The following KIF26B variants were observed in gnomAD, a reference collection of about 807,000 sequenced individuals.
KIF26B encodes the protein kinesin-like protein KIF26B.
Under a neutral mutation model 151.2 loss-of-function variants are expected in KIF26B, and 63 were observed. The ratio of observed to expected loss-of-function variants is 0.42; its 90% CI spans 0.34 to 0.51. The LOEUF is 0.51. KIF26B is among the 20% of genes least tolerant of loss of function. KIF26B has a pLI of 0.07. For synonymous variants in KIF26B, 1,357 were observed against 1,262.1 expected, an observed-to-expected ratio of 1.08 and a Z score of -1.59; for missense variants, 2,813 against 2,913.6, an observed-to-expected ratio of 0.97 and a Z score of 0.79.
At chr1:245,620,174 A>G (rs968247800) in intron 9 of KIF26B, among the ~76,000 whole-genome samples, 2 of 152,164 alleles carry the variant, frequency 1.3e-5, no homozygotes, top group African/African-American at 4.8e-5. Flanking sequence ...CATTGATCTT[A>G]CGAACCACAA....
At chr1:245,277,150 T>C (rs1478039731) in intron 2 of KIF26B, among the ~76,000 whole-genome samples, 2 of 152,202 alleles carry the variant, frequency 1.3e-5, no homozygotes, top group African/African-American at 4.8e-5. Flanking sequence ...GAACTCACTT[T>C]GCTGACACCT....
intron 8 of KIF26B, among the ~76,000 whole-genome samples, chr1:245,611,503 C>A (rs1484148607): frequency 6.6e-6 from 1 of 152,144 alleles, no homozygotes; most frequent in Non-Finnish European, 1.5e-5. Context: ...CCATCTGCTC[C>A]CAGCTTTTCA....
chr1:245,530,685 G>C (rs1214916060), intron 4 of KIF26B, among the ~76,000 whole-genome samples: 1 of 152,166 alleles, frequency 6.6e-6, no homozygotes, highest in African/African-American at 2.4e-5. Flanking sequence ...AGCTGTAGTG[G>C]GTTTACCTGC....
chr1:245,489,091 C>CCGG (rs1485728865), intron 4 of KIF26B, among the ~76,000 whole-genome samples: 13 of 152,184 alleles, frequency 8.5e-5, no homozygotes, highest in Non-Finnish European at 1.6e-4. Flanking sequence ...AACGGATAGT[C>CCGG]TGGCGGCACG....
chr1:245,525,674 A>G (rs1313386568), intron 4 of KIF26B, among the ~76,000 whole-genome samples: 2 of 152,244 alleles, frequency 1.3e-5, no homozygotes, highest in Non-Finnish European at 2.9e-5. Context: ...ACCTGAATAT[A>G]TTCACAGACG....
At chr1:245,593,652 AG>A (rs2043312405) in intron 5 of KIF26B, among the ~76,000 whole-genome samples, 1 of 152,178 alleles carries the variant, frequency 6.6e-6, no homozygotes, top group Non-Finnish European at 1.5e-5. Context: ...GTGTCTTTAT[AG>A]TAGAATGATT....
chr1:245,354,816 T>TC (rs1411932456), intron 2 of KIF26B, among the ~76,000 whole-genome samples: 2 of 152,178 alleles, frequency 1.3e-5, no homozygotes, highest in Non-Finnish European at 2.9e-5. Context: ...TCGAGATTCA[T>TC]CTCCAGTGAG....
chr1:245,588,971 C>G (rs533596808), intron 5 of KIF26B, among the ~76,000 whole-genome samples: 1 of 152,322 alleles, frequency 6.6e-6, no homozygotes, highest in Non-Finnish European at 1.5e-5. Flanking sequence ...GGCATAATTT[C>G]TCTGTTCCTC....
chr1:245,280,689 G>T, intron 2 of KIF26B, among the ~76,000 whole-genome samples: 1 of 128,806 alleles, frequency 7.8e-6, no homozygotes, highest in Admixed American at 8.1e-5. Flanking sequence ...GTGCCATGCT[G>T]GTGCGCTGCA....
At chr1:245,323,631 A>G (rs1235763833) in intron 2 of KIF26B, among the ~76,000 whole-genome samples, 1 of 152,218 alleles carries the variant, frequency 6.6e-6, no homozygotes, top group East Asian at 1.9e-4. Flanking sequence ...AGTCCACCGG[A>G]AAGTGCCACT....
chr1:245,521,102 C>T (rs968629118), intron 4 of KIF26B, among the ~76,000 whole-genome samples: 62 of 152,254 alleles, frequency 4.1e-4, no homozygotes, highest in Non-Finnish European at 8.4e-4. Flanking sequence ...TTTTGGGAGG[C>T]CGAGGCGGGC....
At position 245,703,474 on chromosome 1, in the gene KIF26B, G is replaced by A. The variant is rs550958291; in HGVS notation, c.*868G>A. On this transcript the variant is annotated 3_prime_UTR_variant, in exon 15 of 15. Transcript: ENST00000407071. Reference sequence around the variant, plus strand: ...GGAGGAGGAGTCCTTTGCGACCTGGGCCCTCCCTGCTCCTGGGAGGTGGGC... The same window carrying A: ...GGAGGAGGAGTCCTTTGCGACCTGGACCCTCCCTGCTCCTGGGAGGTGGGC... The A allele has an allele frequency of 6.6e-6, 1 of 152,280 alleles. No homozygotes were observed. Among genetic ancestry groups the A allele is most frequent in the Non-Finnish European group, 1.5e-5 (1 of 68,028 alleles). The allele number at this position is 152,280 out of a possible 1,614,324, so 9.4% of individuals were successfully genotyped here.
intron 10 of KIF26B, among the ~76,000 whole-genome samples, chr1:245,650,909 C>CAA (rs1449425886): frequency 6.6e-6 from 1 of 152,202 alleles, no homozygotes; most frequent in Non-Finnish European, 1.5e-5. Flanking sequence ...ACCTCCCTCT[C>CAA]ACGGGTTTGG....
At chr1:245,232,798 C>G (rs1004813863) in intron 2 of KIF26B, among the ~76,000 whole-genome samples, 2 of 152,196 alleles carry the variant, frequency 1.3e-5, no homozygotes, top group East Asian at 3.8e-4. Context: ...GATCCACCCG[C>G]CTTGGCGTCC....
intron 2 of KIF26B, among the ~76,000 whole-genome samples, chr1:245,338,488 G>A (rs2102994651): frequency 1.3e-5 from 2 of 152,240 alleles, no homozygotes; most frequent in Middle Eastern, 6.8e-3. Flanking sequence ...CCAGATGTTG[G>A]GTTCCTCTTG....
At chr1:245,531,403 C>A (rs1391327992) in intron 4 of KIF26B, among the ~76,000 whole-genome samples, 3 of 152,126 alleles carry the variant, frequency 2.0e-5, no homozygotes, top group Non-Finnish European at 4.4e-5. Flanking sequence ...AGTCAGGGAA[C>A]TTGCCAGGCC....
intron 2 of KIF26B, among the ~76,000 whole-genome samples, chr1:245,249,489 A>AT (rs60378504): frequency 9.8e-4 from 78 of 79,790 alleles, no homozygotes; most frequent in African/African-American, 3.0e-3. Context: ...GTGTTAATCT[A>AT]TTTTTTTTTT....
intron 4 of KIF26B, among the ~76,000 whole-genome samples, chr1:245,432,134 G>A (rs192214812): frequency 1.3e-5 from 2 of 152,010 alleles, no homozygotes; most frequent in East Asian, 1.9e-4. Flanking sequence ...TCCCTCTCGC[G>A]TGGTACCTGC....
intron 2 of KIF26B, among the ~76,000 whole-genome samples, chr1:245,279,953 T>TC (rs1324215932): frequency 4.6e-4 from 70 of 152,216 alleles, no homozygotes; most frequent in African/African-American, 1.7e-3. Flanking sequence ...GCTGCTTAAA[T>TC]CACTCCGTTG....
Sources: gnomAD v4.1 joint callset for allele counts (sites outside exome capture counted in the v4.1 genomes callset) on GRCh38, gnomAD v4.1.1 for gene constraint, MANE v1.5 for transcripts, NCBI Gene and HGNC (gene_info 2026-07-23, HGNC 2026-07-21) for gene names.